Variants in TENM3 observed in about 807,000 individuals in gnomAD.
The protein encoded by TENM3 is teneurin transmembrane protein 3.
Under a neutral mutation model 255.1 loss-of-function variants are expected in TENM3, and 63 were observed. The ratio of observed to expected loss-of-function variants is 0.25; its 90% CI spans 0.20 to 0.30. The LOEUF (loss-of-function observed/expected upper bound fraction) is 0.30, where lower values mean the gene tolerates loss of function less well. Among genes scored for constraint, TENM3 ranks in the 10% least tolerant of loss-of-function variants. TENM3 has a pLI of 1.00. For synonymous variants in TENM3, 1,306 were observed against 1,322.3 expected (o/e 0.99, Z 0.27); for missense variants, 2,929 against 3,461.1 (o/e 0.85, Z 3.86).
Position 182,754,847 on chromosome 4 carries a change from C to T in TENM3, c.4480C>T (p.Arg1494Trp), listed in dbSNP as rs1762615363. 2.5e-6 allele frequency: 4 copies of T among 1,613,986 alleles called. No individual in the cohort carries two copies. Among genetic ancestry groups the T allele is most frequent in the South Asian group, 1.1e-5 (1 of 91,088 alleles). ...GTATATTGCAGATCTAGGGAATATC[C>T]GGATCCGGGCTGTGTCAAAGAATAA... ...TLYIADLGNI[R>W]IRAVSKNKPL... The change falls in exon 22 of 28, where the codon CGG (arginine) becomes TGG (tryptophan). Residue 1494 changes from arginine (R) to tryptophan (W), a missense_variant. Transcript: ENST00000511685. This position sits in a 1 kb window ranked among gnomAD's most constrained non-coding sequence, Gnocchi z 5.1.
chr4:181,610,559 T>C, the TENM3 span, among the ~76,000 whole-genome samples: 3 of 152,166 alleles, frequency 2.0e-5, no homozygotes, highest in Non-Finnish European at 4.4e-5. Flanking sequence ...TTTATCCCAC[T>C]GAAGTACAGA....
Position 182,460,938 on chromosome 4 carries a change from T to TA in TENM3, c.511+114010dup, listed in dbSNP as rs1213326459. Among the ~76,000 whole-genome samples the TA allele has an allele frequency of 2.0e-5, 3 of 152,196 alleles. No homozygotes were observed. In the East Asian group the frequency reaches 5.8e-4, roughly 29 times the overall value. On this transcript the variant is annotated intron_variant, in intron 3 of 27. Transcript: ENST00000511685. ...AATTCATAAATTTAAAAAGGGAATT[T>TA]ACGCAGCATTTGTTGAAAACCTACT...
At chr4:181,886,263 G>C in the TENM3 span, among the ~76,000 whole-genome samples, 1 of 152,064 alleles carries the variant, frequency 6.6e-6, no homozygotes, top group East Asian at 1.9e-4. Flanking sequence ...ATATTGGTCA[G>C]GCTACTTTCG....
chr4:181,760,177 G>A, the TENM3 span, among the ~76,000 whole-genome samples: 16 of 151,726 alleles, frequency 1.1e-4, no homozygotes, highest in African/African-American at 3.6e-4. Context: ...AGTCACCAAT[G>A]GAAAGATTTC....
At chr4:182,282,096 G>A (rs1269825181) in intron 1 of TENM3, among the ~76,000 whole-genome samples, 1 of 152,168 alleles carries the variant, frequency 6.6e-6, no homozygotes, top group Non-Finnish European at 1.5e-5. Flanking sequence ...CAGCAATTAA[G>A]TGTTTATTAC....
chr4:182,185,914 A>G (rs1464412990), intron 1 of TENM3, among the ~76,000 whole-genome samples: 1 of 152,242 alleles, frequency 6.6e-6, no homozygotes, highest in East Asian at 1.9e-4. Context: ...AATGCCTTTA[A>G]AATCTGCTTT....
At chr4:181,452,062 T>C in the TENM3 span, among the ~76,000 whole-genome samples, 2 of 152,150 alleles carry the variant, frequency 1.3e-5, no homozygotes, top group Non-Finnish European at 2.9e-5. Context: ...CATTTCAATA[T>C]GGTGCTAAAA....
intron 3 of TENM3, among the ~76,000 whole-genome samples, chr4:182,367,857 T>C (rs189733386): frequency 1.3e-5 from 2 of 152,278 alleles, no homozygotes; most frequent in East Asian, 3.9e-4. Flanking sequence ...CAATAGCAGA[T>C]CAAGTTCAGG....
At chr4:181,673,864 G>A in the TENM3 span, among the ~76,000 whole-genome samples, 61 of 149,724 alleles carry the variant, frequency 4.1e-4, no homozygotes, top group East Asian at 5.9e-4. Flanking sequence ...GTGTGTGTGT[G>A]TGTGTGTGTG....
the TENM3 span, among the ~76,000 whole-genome samples, chr4:181,598,259 C>T: frequency 6.6e-6 from 1 of 152,138 alleles, no homozygotes; most frequent in African/African-American, 2.4e-5. Flanking sequence ...CTATTAATAT[C>T]CCATAGTATT....
At chr4:181,777,151 T>TA in the TENM3 span, among the ~76,000 whole-genome samples, 12 of 152,154 alleles carry the variant, frequency 7.9e-5, no homozygotes, top group African/African-American at 2.7e-4. Context: ...TGCATATGGA[T>TA]ATCCAGTTTT....
At chr4:182,770,432 C>G (rs1764102884) in intron 22 of TENM3, among the ~76,000 whole-genome samples, 1 of 152,162 alleles carries the variant, frequency 6.6e-6, no homozygotes, top group Admixed American at 6.5e-5. Flanking sequence ...TCAGCCGGGC[C>G]CCTGCACCCC....
At chr4:182,224,388 G>A (rs1756019742) in intron 1 of TENM3, among the ~76,000 whole-genome samples, 1 of 152,118 alleles carries the variant, frequency 6.6e-6, no homozygotes, top group African/African-American at 2.4e-5. Context: ...GGCATGTATT[G>A]GGTAACAGTT....
chr4:182,058,553 C>A, the TENM3 span, among the ~76,000 whole-genome samples: 5 of 132,396 alleles, frequency 3.8e-5, no homozygotes, highest in Non-Finnish European at 7.9e-5. Context: ...ACATAAAGTT[C>A]ACTAGCAAAT....
intron 1 of TENM3, among the ~76,000 whole-genome samples, chr4:182,260,426 T>C (rs1282568482): frequency 6.6e-6 from 1 of 152,168 alleles, no homozygotes; most frequent in East Asian, 1.9e-4. Flanking sequence ...TAACTAGTAA[T>C]ATGAAAAAGA....
intron 3 of TENM3, among the ~76,000 whole-genome samples, chr4:182,449,323 G>A (rs1580584866): frequency 1.3e-5 from 2 of 151,016 alleles, no homozygotes; most frequent in East Asian, 3.9e-4. Context: ...AGATGAGGTG[G>A]CTTTTTAACC....
At chr4:181,841,150 C>T in the TENM3 span, among the ~76,000 whole-genome samples, 3 of 152,048 alleles carry the variant, frequency 2.0e-5, no homozygotes, top group African/African-American at 7.2e-5. Flanking sequence ...TAAATCTATG[C>T]ATTTTCAGTT....
At chr4:182,607,250 G>A (rs746873708) in intron 4 of TENM3, among the ~76,000 whole-genome samples, 1 of 152,024 alleles carries the variant, frequency 6.6e-6, no homozygotes, top group Non-Finnish European at 1.5e-5. Flanking sequence ...AATAAGAAAA[G>A]CATTTGTCTT....
the TENM3 span, among the ~76,000 whole-genome samples, chr4:181,477,919 T>TC: frequency 0.01 from 1,553 of 152,268 alleles, 35 homozygotes; most frequent in African/African-American, 0.036. Context: ...GGCCTTACCC[T>TC]CCCCCTGTCC....
Sources: allele counts gnomAD v4.1 joint callset (sites outside exome capture counted in the v4.1 genomes callset), GRCh38; gene constraint gnomAD v4.1.1; non-coding constraint Gnocchi (gnomAD v3.1); transcripts MANE v1.5; gene names NCBI Gene and HGNC (gene_info 2026-07-23, HGNC 2026-07-21).